The following PLA2G4A variants were observed in gnomAD, a reference collection of about 807,000 sequenced individuals.
The protein encoded by PLA2G4A is phospholipase A2 group IVA.
In PLA2G4A, 40 loss-of-function variants were observed where a neutral mutation model predicts 81.9. That is an observed-to-expected ratio of 0.49 (90% CI 0.38 to 0.64). PLA2G4A has a LOEUF of 0.64. PLA2G4A is among the 30% of genes least tolerant of loss of function. PLA2G4A has a pLI of 0.00. For synonymous variants in PLA2G4A, 302 were observed against 296.9 expected, an observed-to-expected ratio of 1.02 and a Z score of -0.18; for missense variants, 715 against 905.1, an observed-to-expected ratio of 0.79 and a Z score of 2.69.
rs1654668093 is a variant in PLA2G4A, at chr1:186,904,571, G to C, written c.379-2394G>C. Among the ~76,000 whole-genome samples, 2 of 152,212 alleles carry C rather than the reference G, an allele frequency of 1.3e-5. 1 individual carries two copies. The highest frequency in any genetic ancestry group is 2.9e-5 in the Non-Finnish European group (2 of 68,040). On this transcript the variant is annotated intron_variant, in intron 5 of 17. Transcript: ENST00000367466. ...CCTCCTGGTTGTGGGTGACCCACTT[G>C]TGCAATGAGGAAGTGAGGATCCTAA...
At chr1:186,901,460 G>A (rs1193869520) in intron 5 of PLA2G4A, among the ~76,000 whole-genome samples, 1 of 152,122 alleles carries the variant, frequency 6.6e-6, no homozygotes, top group Admixed American at 6.6e-5. Context: ...CACACATTAG[G>A]CACTTGGATC....
intron 15 of PLA2G4A, among the ~76,000 whole-genome samples, chr1:186,968,084 C>T (rs184965691): frequency 6.6e-6 from 1 of 152,152 alleles, no homozygotes; most frequent in East Asian, 1.9e-4. Context: ...AAGATGATAG[C>T]TTAGAAGCTG....
intron 15 of PLA2G4A, among the ~76,000 whole-genome samples, chr1:186,970,589 C>T (rs988863174): frequency 6.6e-6 from 1 of 151,888 alleles, no homozygotes. Context: ...TTATATATGT[C>T]AAGAGACAGC....
Position 186,916,398 on chromosome 1 carries a change from A to AAAT in PLA2G4A, c.558+5009_558+5010insAAT, listed in dbSNP as rs776512794. Among the ~76,000 whole-genome samples the AAAT allele has an allele frequency of 1.6e-3, 244 of 152,322 alleles. 1 individual carries two copies. Among genetic ancestry groups the AAAT allele is most frequent in the Non-Finnish European group, 3.1e-3 (214 of 68,030 alleles). On this transcript the variant is annotated intron_variant, in intron 7 of 17. Coordinates refer to ENST00000367466, the MANE Select transcript of PLA2G4A (RefSeq NM_024420.3). ...CAAGTGGCCCAAATGACACAAGACC[A>AAAT]GTATCCACATTCATTTCCACACAGT...
intron 7 of PLA2G4A, among the ~76,000 whole-genome samples, chr1:186,914,730 G>C (rs1655080000): frequency 6.6e-6 from 1 of 152,172 alleles, no homozygotes; most frequent in African/African-American, 2.4e-5. Context: ...GTGGTGCTGG[G>C]CTGTCTGCTT....
Position 186,911,234 on chromosome 1 carries a change from GT to G in PLA2G4A, c.417-11del. ...GGAGCACTGGCTCATGACTTTATCT[GT>G]TTGGTATTACAGCTCATGCCCAGAC... is the stretch of plus-strand genomic sequence containing the variant. On this transcript the variant is annotated splice_polypyrimidine_tract_variant and intron_variant, in intron 6 of 17. Coordinates refer to ENST00000367466, the MANE Select transcript of PLA2G4A (RefSeq NM_024420.3). The G allele has an allele frequency of 6.2e-7, 1 of 1,612,458 alleles. No homozygotes were observed. Among genetic ancestry groups the G allele is most frequent in the Non-Finnish European group, 8.5e-7 (1 of 1,178,482 alleles).
chr1:186,870,477 C>T lies in PLA2G4A; in HGVS notation c.76C>T (p.Arg26Cys), dbSNP rs1190349231. 13 of 1,611,476 alleles carry T rather than the reference C, an allele frequency of 8.1e-6. No homozygotes were observed. Among genetic ancestry groups the T allele is most frequent in the Middle Eastern group, 1.7e-4 (1 of 6,032 alleles). ...YSHKFTVVVLRATKVTKGAFG... is the reference protein window; with the variant it reads ...YSHKFTVVVLCATKVTKGAFG... ...CCACAAGTTTACGGTAGTGGTGTTACGTGCCACCAAAGTGACAAAGGGGGC... is the reference window on the plus strand; with the variant it reads ...CCACAAGTTTACGGTAGTGGTGTTATGTGCCACCAAAGTGACAAAGGGGGC... The change falls in exon 3 of 18, where the codon CGT becomes TGT. Residue 26 changes from arginine (R) to cysteine (C), a missense_variant. Arg to Cys is a radical substitution (Grantham distance 180). Transcript: ENST00000367466.
chr1:186,961,136 A>C (rs931357084), intron 14 of PLA2G4A, among the ~76,000 whole-genome samples: 1 of 147,242 alleles, frequency 6.8e-6, no homozygotes, highest in Non-Finnish European at 1.5e-5. Context: ...AGTTGAACTC[A>C]GAAGTAGAAA....
intron 10 of PLA2G4A, among the ~76,000 whole-genome samples, chr1:186,945,582 G>T (rs1656310825): frequency 6.6e-6 from 1 of 152,078 alleles, no homozygotes; most frequent in African/African-American, 2.4e-5. Flanking sequence ...AAGTGACCAG[G>T]TTCTAAACAT....
chr1:186,889,722 C>T (rs1342669055), intron 3 of PLA2G4A, among the ~76,000 whole-genome samples: 1 of 151,882 alleles, frequency 6.6e-6, no homozygotes, highest in East Asian at 1.9e-4. Context: ...AGGTCAGAAA[C>T]TATTATTTTT....
Position 186,830,608 on chromosome 1 carries a change from C to CAAAAAAAAAAAAAAAAAAAAAAAAAAA in PLA2G4A, c.-70+1597_-70+1598insAAAAAAAAAAAAAAAAAAAAAAAAAAA, listed in dbSNP as rs55745208. 1.2e-4 allele frequency among the ~76,000 whole-genome samples: 9 copies of CAAAAAAAAAAAAAAAAAAAAAAAAAAA among 72,692 alleles called. 1 individual carries two copies. Among genetic ancestry groups the CAAAAAAAAAAAAAAAAAAAAAAAAAAA allele is most frequent in the African/African-American group, 2.2e-4 (4 of 18,602 alleles). 47.7% of individuals were successfully genotyped at this position (72,692 alleles called of 152,430 possible). ...GAGCGAAAACAGCGAAGCTCTGTCTCAAAAAAAAAAAAAAAAAAAAAAAAG... is the reference window on the plus strand; with the variant it reads ...GAGCGAAAACAGCGAAGCTCTGTCTCAAAAAAAAAAAAAAAAAAAAAAAAAAAAAAAAAAAAAAAAAAAAAAAAAAAG... On this transcript the variant is annotated intron_variant, in intron 1 of 17. Transcript: ENST00000367466.
chr1:186,930,007 C>G (rs1254272644), intron 7 of PLA2G4A, among the ~76,000 whole-genome samples: 1 of 152,084 alleles, frequency 6.6e-6, no homozygotes, highest in Non-Finnish European at 1.5e-5. Context: ...TCCTGGGCAA[C>G]ATGGCAAAAC....
chr1:186,956,443 T>C, intron 14 of PLA2G4A, 99 bp downstream of exon 14: 2 of 1,077,702 alleles, frequency 1.9e-6, no homozygotes, highest in South Asian at 1.3e-5. Context: ...TACTCATTTA[T>C]TATCAGTTAT....
intron 3 of PLA2G4A, among the ~76,000 whole-genome samples, chr1:186,880,423 T>C (rs1653684920): frequency 6.6e-6 from 1 of 152,046 alleles, no homozygotes; most frequent in Non-Finnish European, 1.5e-5. Flanking sequence ...TCAAGAATTA[T>C]GTCTTGCTTT....
At chr1:186,852,360 C>G (rs556760139) in intron 1 of PLA2G4A, among the ~76,000 whole-genome samples, 1 of 152,130 alleles carries the variant, frequency 6.6e-6, no homozygotes, top group East Asian at 1.9e-4. Context: ...CTGAAACTTA[C>G]TAACAATAGC....
chr1:186,892,827 C>T (rs926931996), intron 3 of PLA2G4A, among the ~76,000 whole-genome samples, 184 bp from the exon 4 acceptor site: 21 of 152,228 alleles, frequency 1.4e-4, no homozygotes, highest in African/African-American at 4.3e-4. Context: ...TGAAGGACAG[C>T]GACATATGTA....
intron 17 of PLA2G4A, among the ~76,000 whole-genome samples, chr1:186,983,151 T>C (rs1657784558): frequency 6.6e-6 from 1 of 150,626 alleles, no homozygotes; most frequent in Non-Finnish European, 1.5e-5. Context: ...ATTTTGTAAA[T>C]GATGGTACTT....
intron 2 of PLA2G4A, among the ~76,000 whole-genome samples, chr1:186,858,543 T>A (rs1314501499): frequency 6.6e-6 from 1 of 151,916 alleles, no homozygotes; most frequent in Admixed American, 6.6e-5. Context: ...TTTTCTCCCA[T>A]TCTGTAGGTT....
intron 3 of PLA2G4A, among the ~76,000 whole-genome samples, chr1:186,879,953 T>G (rs1653667316): frequency 6.6e-6 from 1 of 151,926 alleles, no homozygotes; most frequent in East Asian, 1.9e-4. Flanking sequence ...ACTCGTCATT[T>G]ACATTAGGTA....
Sources: gnomAD v4.1 joint callset for allele counts (sites outside exome capture counted in the v4.1 genomes callset) on GRCh38, gnomAD v4.1.1 for gene constraint, MANE v1.5 for transcripts, NCBI Gene and HGNC (gene_info 2026-07-23, HGNC 2026-07-21) for gene names.